Variants in CCND3 observed in about 807,000 individuals in gnomAD.
The protein encoded by CCND3 is G1/S-specific cyclin-D3.
A neutral mutation model predicts 28.7 loss-of-function variants in CCND3; 9 were observed. The ratio of observed to expected loss-of-function variants is 0.31; its 90% CI spans 0.19 to 0.55. The LOEUF (loss-of-function observed/expected upper bound fraction) is 0.55, where lower values mean the gene tolerates loss of function less well. Ranked by LOEUF, CCND3 falls within the 20% of genes least tolerant of loss-of-function variation. The pLI is 0.93. For synonymous variants in CCND3, 164 were observed against 163.9 expected (o/e 1.00, Z 0.00); for missense variants, 315 against 385.8 (o/e 0.82, Z 1.54).
At chr6:41,977,363 G>C (rs908486946) in intron 1 of CCND3, among the ~76,000 whole-genome samples, 11 of 152,056 alleles carry the variant, frequency 7.2e-5, no homozygotes, top group Admixed American at 2.0e-4. Flanking sequence ...ACAAATAACT[G>C]TACTTTATTT....
At chr6:41,960,181 A>G (rs1005400578) in intron 1 of CCND3, among the ~76,000 whole-genome samples, 13 of 152,170 alleles carry the variant, frequency 8.5e-5, no homozygotes, top group Non-Finnish European at 1.3e-4. Context: ...CATCCAGAAC[A>G]GGCAAATCTA....
chr6:42,025,926 G>A (rs2127434717), intron 1 of CCND3, among the ~76,000 whole-genome samples: 1 of 152,304 alleles, frequency 6.6e-6, no homozygotes, highest in South Asian at 2.1e-4. Context: ...GCGGATGAGT[G>A]AATTAATGAG....
chr6:41,954,020 G>A (rs1017689629), intron 1 of CCND3, among the ~76,000 whole-genome samples: 17 of 151,798 alleles, frequency 1.1e-4, no homozygotes, highest in African/African-American at 4.1e-4. Context: ...GGAGGCCAAG[G>A]CTGGTGGATC....
intron 1 of CCND3, among the ~76,000 whole-genome samples, chr6:41,947,963 A>T (rs1776211759): frequency 6.6e-6 from 1 of 150,440 alleles, no homozygotes. Flanking sequence ...ACTCTCCCTC[A>T]CTGTGCTCTG....
intron 1 of CCND3, among the ~76,000 whole-genome samples, chr6:42,010,189 G>A (rs1422745396): frequency 6.6e-6 from 1 of 152,144 alleles, no homozygotes; most frequent in Admixed American, 6.5e-5. Flanking sequence ...AGTGACCTAG[G>A]TAGTACCTGG....
At chr6:42,036,140 GTGCCATCA>G (rs1764200988) in intron 1 of CCND3, among the ~76,000 whole-genome samples, 1 of 150,542 alleles carries the variant, frequency 6.6e-6, no homozygotes. Flanking sequence ...TTATAGGCAT[GTGCCATCA>G]TGCCCAGCTA....
chr6:41,971,039 T>C (rs771358642), intron 1 of CCND3, among the ~76,000 whole-genome samples: 96 of 152,076 alleles, frequency 6.3e-4, no homozygotes, highest in Non-Finnish European at 9.1e-4. Flanking sequence ...TGCCGCAGCC[T>C]CCCGAGTAGC....
rs779291372 is a variant in CCND3 at position 41,966,418 on chromosome 6, C to CA, written c.-45-25834dup. The stretch of plus-strand genomic sequence containing the variant: ...CCTGGGCGACAGTGAAACCCTGTCT[C>CA]AAAAAAAAAAGAGAATTCTGATGGC... On this transcript the variant is annotated intron_variant, in intron 1 of 4. Coordinates refer to the CCND3 transcript ENST00000372988. 8.2e-3 allele frequency among the ~76,000 whole-genome samples: 1,193 copies of CA among 145,382 alleles called. 12 individuals carry two copies. Among genetic ancestry groups the CA allele is most frequent in the Non-Finnish European group, 0.011 (754 of 65,864 alleles).
chr6:41,993,372 T>G (rs908066695), intron 1 of CCND3, among the ~76,000 whole-genome samples: 4 of 151,972 alleles, frequency 2.6e-5, no homozygotes, highest in African/African-American at 9.7e-5. Context: ...TGTTGAACAT[T>G]TTCCCATATA....
chr6:41,994,630 A>T (rs1283699392), intron 1 of CCND3, among the ~76,000 whole-genome samples: 2 of 152,176 alleles, frequency 1.3e-5, no homozygotes, highest in Admixed American at 6.5e-5. Flanking sequence ...GTGATAATAT[A>T]TCAACGTAGG....
intron 1 of CCND3, among the ~76,000 whole-genome samples, chr6:42,020,896 C>A (rs1763692035): frequency 6.6e-6 from 1 of 152,190 alleles, no homozygotes. Context: ...GGATTACAGG[C>A]ACGTGCCACC....
rs1474763009 is a variant in CCND3 at position 42,022,307 on chromosome 6, A to G, written c.-46+26194T>C. Among the ~76,000 whole-genome samples, 5 of 152,346 alleles carry G rather than the reference A, an allele frequency of 3.3e-5. No individual in the cohort carries two copies. In the East Asian group the frequency reaches 9.6e-4, roughly 29 times the overall value. ...GTATCTAGCACTATGATGGTTCAGT[A>G]CACACTGGAATGAGTGAATGAAGAA... is the stretch of plus-strand genomic sequence containing the variant. On this transcript the variant is annotated intron_variant, in intron 1 of 4. Coordinates refer to the CCND3 transcript ENST00000372988.
intron 1 of CCND3, among the ~76,000 whole-genome samples, chr6:42,043,761 C>T (rs1764441243): frequency 6.6e-6 from 1 of 152,126 alleles, no homozygotes; most frequent in South Asian, 2.1e-4. Context: ...GGCCCAGTGG[C>T]TCTGTGCCTC....
intron 1 of CCND3, among the ~76,000 whole-genome samples, chr6:42,039,807 T>C (rs1764318040): frequency 6.6e-6 from 1 of 152,238 alleles, no homozygotes; most frequent in Non-Finnish European, 1.5e-5. Flanking sequence ...CTTCCTGCTG[T>C]GGCAGGGCTG....
chr6:41,986,328 T>G (rs1762479121), intron 1 of CCND3, among the ~76,000 whole-genome samples: 1 of 152,044 alleles, frequency 6.6e-6, no homozygotes, highest in Non-Finnish European at 1.5e-5. Flanking sequence ...GTCATCAGAA[T>G]TTTGATGGAG....
chr6:41,988,495 T>G (rs535131248), intron 1 of CCND3, among the ~76,000 whole-genome samples: 114 of 152,152 alleles, frequency 7.5e-4, no homozygotes, highest in Non-Finnish European at 1.4e-3. Flanking sequence ...AGCTCTGAAT[T>G]TTAACTGCTG....
intron 1 of CCND3, among the ~76,000 whole-genome samples, chr6:41,952,894 A>G (rs909177482): frequency 3.3e-5 from 5 of 152,296 alleles, no homozygotes; most frequent in Non-Finnish European, 7.3e-5. Flanking sequence ...ATAATATTAC[A>G]TAGACAATAG....
At chr6:41,998,050 AG>A (rs1375169333) in intron 1 of CCND3, among the ~76,000 whole-genome samples, 3 of 151,606 alleles carry the variant, frequency 2.0e-5, no homozygotes, top group African/African-American at 4.8e-5. Context: ...GCATTTTGGG[AG>A]GCCAAGGCAA....
intron 1 of CCND3, among the ~76,000 whole-genome samples, chr6:42,028,672 G>A (rs780475020): frequency 2.6e-5 from 4 of 152,214 alleles, no homozygotes; most frequent in Non-Finnish European, 2.9e-5. Flanking sequence ...GCTGGGTTCC[G>A]TTCCCAGCTC....
Sources: allele counts gnomAD v4.1 joint callset (sites outside exome capture counted in the v4.1 genomes callset), GRCh38; gene constraint gnomAD v4.1.1; transcripts MANE v1.5; gene names NCBI Gene and HGNC (gene_info 2026-07-23, HGNC 2026-07-21).